Variants in CYYR1 observed in about 807,000 individuals in gnomAD.
CYYR1 encodes the protein cysteine and tyrosine-rich protein 1.
CYYR1 carries 14 observed loss-of-function variants against 15.2 expected under a neutral mutation model. That is an observed-to-expected ratio of 0.92 (90% CI 0.61 to 1.44). The LOEUF is 1.44. Ranked by LOEUF, CYYR1 falls within the 40% of genes most tolerant of loss-of-function variation. The probability of loss-of-function intolerance (pLI) is 0.00; values close to 1 mark genes in which losing one functional copy is unlikely to be tolerated. For synonymous variants in CYYR1, 80 were observed against 77.4 expected (o/e 1.03, Z -0.18); for missense variants, 228 against 209.5 (o/e 1.09, Z -0.54).
In CYYR1 at chr21:26,502,039, G is replaced by C. The variant is rs117965910; in HGVS notation, c.177-21610C>G. ...CAGTAAAAAAAATCTCTCCATCCAG[G>C]ACATTAGTAGTGAAATCATTTTTAC... On this transcript the variant is annotated intron_variant, in intron 2 of 3. Coordinates refer to ENST00000652641, the MANE Select transcript of CYYR1 (RefSeq NM_001320768.2). 1.7e-3 allele frequency among the ~76,000 whole-genome samples: 261 copies of C among 152,198 alleles called. 1 individual carries two copies. Among genetic ancestry groups the C allele is most frequent in the South Asian group, 6.4e-3 (31 of 4,822 alleles).
At chr21:26,480,931 C>G (rs1192597746) in intron 2 of CYYR1, among the ~76,000 whole-genome samples, 2 of 151,982 alleles carry the variant, frequency 1.3e-5, no homozygotes, top group African/African-American at 4.8e-5. Context: ...TAAAAGAAAA[C>G]CAAACCAAAC....
At chr21:26,535,156 C>T (rs1037013483) in intron 2 of CYYR1, among the ~76,000 whole-genome samples, 8 of 152,096 alleles carry the variant, frequency 5.3e-5, no homozygotes, top group Admixed American at 3.3e-4. Flanking sequence ...AGGTACTATG[C>T]TCACCACCCA....
At chr21:26,539,094 G>A (rs916697728) in intron 2 of CYYR1, among the ~76,000 whole-genome samples, 1 of 152,078 alleles carries the variant, frequency 6.6e-6, no homozygotes, top group Non-Finnish European at 1.5e-5. Context: ...ATTATACTAC[G>A]ACGGTTTGTT....
chr21:26,480,560 C>T (rs2065164472), intron 2 of CYYR1, 131 bp from the exon 3 acceptor site: 3 of 841,522 alleles, frequency 3.6e-6, no homozygotes, highest in East Asian at 3.0e-5. Context: ...GTGTGTTTTT[C>T]TTTTCTTTTT....
chr21:26,531,384 C>A (rs530187496), intron 2 of CYYR1, among the ~76,000 whole-genome samples: 1 of 152,224 alleles, frequency 6.6e-6, no homozygotes, highest in East Asian at 1.9e-4. Context: ...GGCTCTGTGT[C>A]CCCACCCAAA....
chr21:26,473,700 G>C (rs952434497), intron 3 of CYYR1, among the ~76,000 whole-genome samples: 4 of 152,138 alleles, frequency 2.6e-5, no homozygotes, highest in Non-Finnish European at 5.9e-5. Context: ...GAGATCTGTT[G>C]AGAAATCACC....
chr21:26,488,887 C>A (rs73349235), intron 2 of CYYR1, among the ~76,000 whole-genome samples: 6,432 of 152,014 alleles, frequency 0.042, 161 homozygotes, highest in East Asian at 0.091. Context: ...TTCCTTTGCA[C>A]GAGAAACAAA....
chr21:26,562,727 AAC>A (rs58990363), intron 2 of CYYR1, among the ~76,000 whole-genome samples: 17,364 of 131,122 alleles, frequency 0.13, 1,962 homozygotes, highest in African/African-American at 0.33. Flanking sequence ...TCTCCTCCTA[AAC>A]ACACACACAC....
intron 2 of CYYR1, among the ~76,000 whole-genome samples, chr21:26,507,399 A>G (rs1208310762): frequency 6.6e-6 from 1 of 152,220 alleles, no homozygotes; most frequent in Non-Finnish European, 1.5e-5. Context: ...AAAACATTAG[A>G]TGTCTTTACA....
At chr21:26,497,041 T>G (rs2065414176) in intron 2 of CYYR1, among the ~76,000 whole-genome samples, 1 of 152,170 alleles carries the variant, frequency 6.6e-6, no homozygotes, top group Non-Finnish European at 1.5e-5. Flanking sequence ...TTTAACAATT[T>G]AAAAAGGTTA....
intron 2 of CYYR1, among the ~76,000 whole-genome samples, chr21:26,491,566 A>G (rs2065329135): frequency 6.6e-6 from 1 of 152,210 alleles, no homozygotes; most frequent in African/African-American, 2.4e-5. Flanking sequence ...GACCTGGCAG[A>G]ACAGCATCTG....
chr21:26,499,967 A>G (rs2065458023), intron 2 of CYYR1, among the ~76,000 whole-genome samples: 2 of 152,228 alleles, frequency 1.3e-5, no homozygotes, highest in East Asian at 3.9e-4. Context: ...GCTATGACAA[A>G]TACCACAGGC....
intron 2 of CYYR1, among the ~76,000 whole-genome samples, chr21:26,509,868 A>T (rs1366973088): frequency 6.6e-6 from 1 of 152,146 alleles, no homozygotes; most frequent in African/African-American, 2.4e-5. Flanking sequence ...GCTGACTGGG[A>T]AGTATGATGT....
chr21:26,557,578 A>G (rs1979882640), intron 2 of CYYR1, among the ~76,000 whole-genome samples: 1 of 152,194 alleles, frequency 6.6e-6, no homozygotes, highest in African/African-American at 2.4e-5. Flanking sequence ...CTAAAATAGC[A>G]TCCGAATGTA....
At chr21:26,545,660 C>T (rs987583863) in intron 2 of CYYR1, among the ~76,000 whole-genome samples, 4 of 149,404 alleles carry the variant, frequency 2.7e-5, no homozygotes, top group Admixed American at 6.7e-5. Context: ...CTCCGCCTCC[C>T]GGGTTCACGC....
At chr21:26,504,071 G>T (rs539838768) in intron 2 of CYYR1, among the ~76,000 whole-genome samples, 1 of 152,070 alleles carries the variant, frequency 6.6e-6, no homozygotes, top group Non-Finnish European at 1.5e-5. Flanking sequence ...GCAGCCAAAA[G>T]AATTCCATCT....
chr21:26,553,571 T>C (rs1224594219), intron 2 of CYYR1, among the ~76,000 whole-genome samples: 1 of 152,082 alleles, frequency 6.6e-6, no homozygotes, highest in Non-Finnish European at 1.5e-5. Flanking sequence ...CAAAGTCGAG[T>C]AACAGAGGGA....
At chr21:26,532,631 C>G (rs1475676980) in intron 2 of CYYR1, among the ~76,000 whole-genome samples, 1 of 152,154 alleles carries the variant, frequency 6.6e-6, no homozygotes, top group East Asian at 1.9e-4. Flanking sequence ...GCAGCTGATA[C>G]AGGTATTCTG....
chr21:26,550,090 T>C (rs953759755), intron 2 of CYYR1, among the ~76,000 whole-genome samples: 1 of 152,230 alleles, frequency 6.6e-6, no homozygotes, highest in Non-Finnish European at 1.5e-5. Flanking sequence ...ATTTTGGTAA[T>C]TTTCACAATA....
Sources: allele counts gnomAD v4.1 joint callset (sites outside exome capture counted in the v4.1 genomes callset), GRCh38; gene constraint gnomAD v4.1.1; transcripts MANE v1.5; gene names NCBI Gene and HGNC (gene_info 2026-07-23, HGNC 2026-07-21).